TNFAIP2: variants seen among roughly 807,000 people sequenced by gnomAD.
TNFAIP2 encodes TNF alpha induced protein 2, also known as tumor necrosis factor alpha-induced protein 2.
TNFAIP2 carries 47 observed loss-of-function variants against 63.5 expected under a neutral mutation model. That is an observed-to-expected ratio of 0.74 (90% CI 0.59 to 0.94). The LOEUF is 0.94. Ranked by LOEUF, TNFAIP2 falls within the 40% of genes least tolerant of loss-of-function variation. The pLI, the probability that TNFAIP2 is intolerant of heterozygous loss-of-function variation, is 0.00. For synonymous variants in TNFAIP2, 405 were observed against 390.2 expected (o/e 1.04, Z -0.45); for missense variants, 787 against 850.2 (o/e 0.93, Z 0.92).
At chr14:103,132,910 G>T (rs1180024178) in intron 9 of TNFAIP2, 38 bp downstream of exon 9, 1 of 1,610,920 alleles carries the variant, frequency 6.2e-7, no homozygotes, top group African/African-American at 1.3e-5. Context: ...GTCTTGGGGA[G>T]TTGGGGGCAG....
At position 103,131,914 on chromosome 14, in the gene TNFAIP2, G is replaced by A. The variant is rs2087983599; in HGVS notation, c.1422+152G>A. The A allele has an allele frequency of 3.4e-6, 4 of 1,172,674 alleles. No individual in the cohort carries two copies. Among genetic ancestry groups the A allele is most frequent in the Non-Finnish European group, 4.7e-6 (4 of 858,884 alleles). 72.6% of individuals were successfully genotyped at this position (1,172,674 alleles called of 1,614,324 possible). A position where few individuals can be genotyped will look rare whatever the true frequency, so the allele number is the denominator to read the frequency against. ...GGCACCGTGGGCCAGCTCTGGTGCA[G>A]CGGTGATGCCCGGTTGGGGACCCTA... On this transcript the variant is annotated intron_variant, in intron 8 of 11. Coordinates refer to ENST00000560869, the MANE Select transcript of TNFAIP2 (RefSeq NM_006291.4). The surrounding 1 kb of genome is among the most constrained non-coding windows in gnomAD (Gnocchi z 4.0).
At position 103,127,373 on chromosome 14, in the gene TNFAIP2, A is replaced by G. The variant is rs1181774383; in HGVS notation, c.604A>G (p.Met202Val). ...CGTGGCGGAGGCGGCCGAGGAGCGC[A>G]TGGGCCAGCGGCCGGCCGCGGGCGC... ...RGVAEAAEER[M>V]GQRPAAGAEV... is the part of the protein sequence containing the mutation. The change falls in exon 3 of 12, where the codon ATG becomes GTG. Residue 202 changes from methionine to valine, a missense_variant. Coordinates refer to ENST00000560869, the MANE Select transcript of TNFAIP2 (RefSeq NM_006291.4). The surrounding 1 kb of genome is among the most constrained non-coding windows in gnomAD (Gnocchi z 5.1). 2.6e-6 allele frequency: 4 copies of G among 1,512,262 alleles called. No individual in the cohort carries two copies. Among genetic ancestry groups the G allele is most frequent in the Admixed American group, 4.2e-5 (2 of 47,634 alleles). The allele number at this position is 1,512,262 out of a possible 1,614,324, so 93.7% of individuals were successfully genotyped here.
In TNFAIP2 at chr14:103,131,821, G is replaced by T; in HGVS notation, c.1422+59G>T. 1 of 1,575,686 alleles carries T rather than the reference G, an allele frequency of 6.3e-7. No homozygotes were observed. On this transcript the variant is annotated intron_variant, in intron 8 of 11. Coordinates refer to ENST00000560869, the MANE Select transcript of TNFAIP2 (RefSeq NM_006291.4). This position sits in a 1 kb window ranked among gnomAD's most constrained non-coding sequence, Gnocchi z 4.0. ...GTTGGGGGGTTCCCAGGGAGGGACT[G>T]GGAGGTGCCCCCAGGGAGGAGTGGC...
Position 103,127,746 on chromosome 14 carries a change from G to A in TNFAIP2, c.860+117G>A. 1 of 1,247,570 alleles carries A rather than the reference G, an allele frequency of 8.0e-7. No homozygotes were observed. Among genetic ancestry groups the A allele is most frequent in the Non-Finnish European group, 1.1e-6 (1 of 948,726 alleles). 77.3% of individuals were successfully genotyped at this position (1,247,570 alleles called of 1,614,324 possible). On this transcript the variant is annotated intron_variant, in intron 3 of 11. Transcript: ENST00000560869. This position sits in a 1 kb window ranked among gnomAD's most constrained non-coding sequence, Gnocchi z 5.1. ...TTTTAGTGAGGTCGGTGTTTGCAGA[G>A]TTTTGGGTCCGAGAATGCAGGGGTG...
intron 6 of TNFAIP2, 108 bp downstream of exon 6, chr14:103,130,523 T>C: frequency 9.7e-7 from 1 of 1,028,580 alleles, no homozygotes; most frequent in East Asian, 2.6e-5. Flanking sequence ...CCTCTACCCC[T>C]GTCCCTGTCA....
intron 3 of TNFAIP2, 133 bp from the exon 4 acceptor site, chr14:103,129,607 C>T (rs963844777): frequency 4.3e-6 from 3 of 696,880 alleles, no homozygotes; most frequent in African/African-American, 1.8e-5. Flanking sequence ...AAATGGGGAC[C>T]GGGTGGGGGT....
chr14:103,135,878 A>G lies in TNFAIP2; in HGVS notation c.*518A>G, dbSNP rs774017650. 1.2e-4 allele frequency: 160 copies of G among 1,290,116 alleles called. No homozygotes were observed. Among genetic ancestry groups the G allele is most frequent in the Non-Finnish European group, 1.5e-4 (147 of 989,404 alleles). The allele number at this position is 1,290,116 out of a possible 1,614,324, so 79.9% of individuals were successfully genotyped here. On this transcript the variant is annotated 3_prime_UTR_variant, in exon 12 of 12. Coordinates refer to ENST00000560869, the MANE Select transcript of TNFAIP2 (RefSeq NM_006291.4). The surrounding 1 kb of genome is among the most constrained non-coding windows in gnomAD (Gnocchi z 7.6). ...ACAGAACTGGAAGAGAAAGAAGGAA[A>G]AGATGAGCTCTCGTCTGGCAGGGGC... is the stretch of plus-strand genomic sequence containing the variant.
chr14:103,129,755 C>T lies in TNFAIP2; in HGVS notation c.876C>T (p.Ser292=), dbSNP rs749221160. The stretch of plus-strand genomic sequence containing the variant: ...CTGCCTGCAGTGACATCATCAACAG[C>T]CCCAAGCTGGTGGGTGAGCTGCAGG... ...QNLYPNDIIN[S]PKLVGELQGM... Residue 292 remains serine, a synonymous_variant, in exon 4 of 12, where the codon AGC becomes AGT. Coordinates refer to ENST00000560869, the MANE Select transcript of TNFAIP2 (RefSeq NM_006291.4). The T allele has an allele frequency of 2.5e-6, 4 of 1,613,986 alleles. No individual in the cohort carries two copies. The Admixed American group carries it at 6.7e-5, about 27-fold the overall frequency.
At chr14:103,130,972 T>C in intron 6 of TNFAIP2, 80 bp from the exon 7 acceptor site, 1 of 1,451,068 alleles carries the variant, frequency 6.9e-7, no homozygotes, top group East Asian at 2.3e-5. Flanking sequence ...CCCCAGGAGC[T>C]GGCAGGGAGG....
chr14:103,127,685 G>C lies in TNFAIP2; in HGVS notation c.860+56G>C. 5 of 1,398,958 alleles carry C rather than the reference G, an allele frequency of 3.6e-6. No individual in the cohort carries two copies. Among genetic ancestry groups the C allele is most frequent in the Non-Finnish European group, 4.7e-6 (5 of 1,073,852 alleles). 86.7% of individuals were successfully genotyped at this position (1,398,958 alleles called of 1,614,324 possible). ...GCAGGGAGGGTGTCCTCTGTAGGAG[G>C]GGTGTCGAGGGGTGTCGAGGTGTGC... On this transcript the variant is annotated intron_variant, in intron 3 of 11. Coordinates refer to ENST00000560869, the MANE Select transcript of TNFAIP2 (RefSeq NM_006291.4). This position sits in a 1 kb window ranked among gnomAD's most constrained non-coding sequence, Gnocchi z 5.1.
chr14:103,136,086 C>G lies in TNFAIP2; in HGVS notation c.*726C>G. 8.8e-7 allele frequency: 1 copy of G among 1,139,020 alleles called. No individual in the cohort carries two copies. The highest frequency in any genetic ancestry group is 1.1e-6 in the Non-Finnish European group (1 of 891,780). 70.6% of individuals were successfully genotyped at this position (1,139,020 alleles called of 1,614,324 possible). ...TGTCTACTACCGAAGGGCCCAAGAC[C>G]TCCTGGGTCCTCTCAGGCTCCCCCT... is the stretch of plus-strand genomic sequence containing the variant. On this transcript the variant is annotated 3_prime_UTR_variant, in exon 12 of 12. Coordinates refer to ENST00000560869, the MANE Select transcript of TNFAIP2 (RefSeq NM_006291.4).
upstream of TNFAIP2, among the ~76,000 whole-genome samples, chr14:103,121,812 G>C (rs1891114382): frequency 6.9e-6 from 1 of 145,090 alleles, no homozygotes; most frequent in Non-Finnish European, 1.5e-5. Context: ...GGGGCCTAAG[G>C]CCTGACAACG....
At chr14:103,122,844 G>A (rs1443703843), upstream of TNFAIP2, 2 of 454,998 alleles carry the variant, frequency 4.4e-6, no homozygotes, top group Non-Finnish European at 8.8e-6. Context: ...GGTGTGAGCC[G>A]GGTCAGCCAC....
chr14:103,129,713 C>T (rs368607979), intron 3 of TNFAIP2, 27 bp from the exon 4 acceptor site: 4 of 1,604,372 alleles, frequency 2.5e-6, no homozygotes, highest in African/African-American at 2.7e-5. Flanking sequence ...GTATAGTTGT[C>T]CTCATGCCAG....
At position 103,136,101 on chromosome 14, in the gene TNFAIP2, A is replaced by T. The variant is rs1223565696; in HGVS notation, c.*741A>T. The T allele has an allele frequency of 9.2e-7, 1 of 1,082,858 alleles. No homozygotes were observed. The highest frequency in any genetic ancestry group is 1.2e-6 in the Non-Finnish European group (1 of 843,072). 67.1% of individuals were successfully genotyped at this position (1,082,858 alleles called of 1,614,324 possible). A position where few individuals can be genotyped will look rare whatever the true frequency, so the allele number is the denominator to read the frequency against. On this transcript the variant is annotated 3_prime_UTR_variant, in exon 12 of 12. Coordinates refer to ENST00000560869, the MANE Select transcript of TNFAIP2 (RefSeq NM_006291.4). ...GGCCCAAGACCTCCTGGGTCCTCTC[A>T]GGCTCCCCCTTCCCCAAGGCAGGGA... is the stretch of plus-strand genomic sequence containing the variant.
intron 3 of TNFAIP2, among the ~76,000 whole-genome samples, chr14:103,129,512 G>C (rs868720719): frequency 4.0e-5 from 6 of 150,714 alleles, no homozygotes; most frequent in South Asian, 2.1e-4. Flanking sequence ...AATGGGGGGG[G>C]GGTGGTGAGA....
At position 103,132,769 on chromosome 14, in the gene TNFAIP2, C is replaced by T. The variant is rs137885091; in HGVS notation, c.1442C>T (p.Thr481Met). The part of the protein sequence containing the change: ...EDLKPLFKRF[T>M]HTRWAAPVET... The stretch of plus-strand genomic sequence containing the variant: ...TCTCAGCCACTGTTCAAGAGGTTCA[C>T]GCACACCCGCTGGGCGGCCCCTGTG... Residue 481 changes from threonine (T) to methionine (M), a missense_variant, in exon 9 of 12, where the codon ACG (threonine) becomes ATG (methionine). Transcript: ENST00000560869. 1.1e-4 allele frequency: 182 copies of T among 1,613,446 alleles called. No homozygotes were observed. The African/African-American group carries it at 1.3e-3, about 12-fold the overall frequency.
Position 103,135,685 on chromosome 14 carries a change from G to T in TNFAIP2, c.*325G>T. ...AGTGCAGCCAGGCTCAGGGATCCCC[G>T]GACACCTCTGTCCAGAGCCCCTCCA... On this transcript the variant is annotated 3_prime_UTR_variant, in exon 12 of 12. Coordinates refer to ENST00000560869, the MANE Select transcript of TNFAIP2 (RefSeq NM_006291.4). This position sits in a 1 kb window ranked among gnomAD's most constrained non-coding sequence, Gnocchi z 7.6. 2 of 1,247,900 alleles carry T rather than the reference G, an allele frequency of 1.6e-6. No individual in the cohort carries two copies. The highest frequency in any genetic ancestry group is 2.0e-6 in the Non-Finnish European group (2 of 980,614). 77.3% of individuals were successfully genotyped at this position (1,247,900 alleles called of 1,614,324 possible).
At position 103,127,558 on chromosome 14, in the gene TNFAIP2, C is replaced by T. The variant is rs1443230146; in HGVS notation, c.789C>T (p.Ala263=). 3.8e-6 allele frequency: 6 copies of T among 1,582,842 alleles called. No homozygotes were observed. The African/African-American group carries it at 5.4e-5, about 14-fold the overall frequency. The change falls in exon 3 of 12, where the codon GCC becomes GCT. Residue 263 remains alanine (A), a synonymous_variant. Transcript: ENST00000560869. This position sits in a 1 kb window ranked among gnomAD's most constrained non-coding sequence, Gnocchi z 5.1. ...YHQHFAAHLA[A]VAQFELCERD... is the part of the protein sequence containing the mutation. ...AGCACTTCGCGGCCCACCTGGCCGC[C>T]GTGGCGCAGTTCGAGCTGTGCGAGC...
Sources: allele counts gnomAD v4.1 joint callset (sites outside exome capture counted in the v4.1 genomes callset), GRCh38; gene constraint gnomAD v4.1.1; non-coding constraint Gnocchi (gnomAD v3.1); transcripts MANE v1.5; gene names NCBI Gene and HGNC (gene_info 2026-07-23, HGNC 2026-07-21).